MYH7B: variants seen among roughly 807,000 people sequenced by gnomAD.
The protein encoded by MYH7B is myosin heavy chain 7B.
A neutral mutation model predicts 234.5 loss-of-function variants in MYH7B; 205 were observed. The ratio of observed to expected loss-of-function variants is 0.87; its 90% CI spans 0.78 to 0.98. The LOEUF (loss-of-function observed/expected upper bound fraction) is 0.98. MYH7B is among the 50% of genes least tolerant of loss of function. MYH7B has a pLI of 0.00. For synonymous variants in MYH7B, 1,193 were observed against 1,105.0 expected, an observed-to-expected ratio of 1.08 and a Z score of -1.58; for missense variants, 2,652 against 2,633.4, an observed-to-expected ratio of 1.01 and a Z score of -0.15.
chr20:34,997,748 C>A, intron 32 of MYH7B, 108 bp downstream of exon 32: 2 of 1,346,930 alleles, frequency 1.5e-6, no homozygotes, highest in Non-Finnish European at 2.0e-6. Flanking sequence ...TTATCCTGAG[C>A]CCTGACCTCT....
At chr20:34,988,512 A>G (rs945161583) in intron 19 of MYH7B, among the ~76,000 whole-genome samples, 7 of 151,968 alleles carry the variant, frequency 4.6e-5, no homozygotes, top group Non-Finnish European at 1.0e-4. Flanking sequence ...AGCAGTGTGA[A>G]TGCATGCATC....
At chr20:34,956,627 A>G in intron 1 of MYH7B, among the ~76,000 whole-genome samples, 1 of 152,224 alleles carries the variant, frequency 6.6e-6, no homozygotes, top group Admixed American at 6.5e-5. Flanking sequence ...TAGGCAATAA[A>G]CTGCCTTTCT....
In MYH7B at chr20:34,987,754, T is replaced by C; in HGVS notation, c.1267-11T>C. 6.2e-7 allele frequency: 1 copy of C among 1,614,098 alleles called. No individual in the cohort carries two copies. On this transcript the variant is annotated splice_polypyrimidine_tract_variant and intron_variant, in intron 17 of 44. Coordinates refer to ENST00000262873, the Ensembl canonical transcript of MYH7B. ...TTGCCAGGTCCCAGCCCAGCCTCCC[T>C]GCACCTCCAGGTGGTGTTTGCTGTG... is the stretch of plus-strand genomic sequence containing the variant.
chr20:34,982,683 C>A, intron 10 of MYH7B, 128 bp downstream of exon 10: 1 of 792,490 alleles, frequency 1.3e-6, no homozygotes, highest in Non-Finnish European at 1.9e-6. Context: ...CCTGCCTGAG[C>A]CTCCCACCCT....
intron 2 of MYH7B, among the ~76,000 whole-genome samples, chr20:34,965,861 T>G (rs2081737045): frequency 6.6e-6 from 1 of 152,130 alleles, no homozygotes; most frequent in Non-Finnish European, 1.5e-5. Context: ...CCACTGTATC[T>G]GGAGTGATAT....
intron 2 of MYH7B, among the ~76,000 whole-genome samples, chr20:34,959,481 C>CTT (rs11467878): frequency 2.1e-5 from 3 of 142,090 alleles, no homozygotes; most frequent in Non-Finnish European, 1.5e-5. Flanking sequence ...TTCTTTCTTT[C>CTT]TTTTTTTTTT....
exon 37 of MYH7B, chr20:34,999,582 G>A (rs1268535662): frequency 1.9e-6 from 3 of 1,609,238 alleles, no homozygotes; most frequent in Non-Finnish European, 1.7e-6. Flanking sequence ...GGAGATCAGC[G>A]ACCTCACAGA....
exon 19 of MYH7B, chr20:34,988,173 GAGC>G (rs1569045119): frequency 6.2e-7 from 1 of 1,614,216 alleles, no homozygotes; most frequent in Non-Finnish European, 8.5e-7. Context: ...GTTTGTGCTG[GAGC>G]AGGAGGAGTA....
At chr20:34,980,963 C>G in intron 8 of MYH7B, 70 bp from the exon 9 acceptor site, 1 of 1,600,200 alleles carries the variant, frequency 6.2e-7, no homozygotes, top group South Asian at 1.1e-5. Flanking sequence ...CAGATGGATA[C>G]CCAGGGTGTT....
At chr20:34,991,230 A>AG in intron 24 of MYH7B, 109 bp downstream of exon 24, 1 of 750,084 alleles carries the variant, frequency 1.3e-6, no homozygotes, top group Non-Finnish European at 2.1e-6. Context: ...AGGGGGAAGC[A>AG]GGGACTGTGA....
intron 10 of MYH7B, among the ~76,000 whole-genome samples, chr20:34,983,303 T>C (rs1451903587): frequency 6.0e-4 from 12 of 19,842 alleles, no homozygotes; most frequent in East Asian, 3.4e-3. Context: ...CTTTTCTTTT[T>C]TTTTTTTTTT....
At chr20:34,969,154 C>T (rs1347959888) in intron 2 of MYH7B, among the ~76,000 whole-genome samples, 1 of 152,060 alleles carries the variant, frequency 6.6e-6, no homozygotes, top group South Asian at 2.1e-4. Context: ...AAGAGGGTAC[C>T]CCTGGGACTC....
At chr20:34,985,418 C>T (rs2082002822) in intron 13 of MYH7B, among the ~76,000 whole-genome samples, 2 of 152,088 alleles carry the variant, frequency 1.3e-5, no homozygotes, top group South Asian at 4.1e-4. Flanking sequence ...AGACCCAAAT[C>T]CTCATTTGGC....
At chr20:34,985,677 C>A (rs1041072288) in intron 13 of MYH7B, among the ~76,000 whole-genome samples, 1 of 152,160 alleles carries the variant, frequency 6.6e-6, no homozygotes, top group African/African-American at 2.4e-5. Flanking sequence ...CCACATTGGG[C>A]TGCATGGCTA....
At chr20:34,970,932 G>C (rs1477797085) in intron 2 of MYH7B, among the ~76,000 whole-genome samples, 1 of 152,204 alleles carries the variant, frequency 6.6e-6, no homozygotes, top group Non-Finnish European at 1.5e-5. Context: ...CGCAGGGCCT[G>C]AGCCACAGGT....
Position 34,997,509 on chromosome 20 carries a change from G to GCGCGGCGGAGC in MYH7B, c.3616_3617insCGCGGCGGAGC (p.Gly1206AlafsTer44), listed in dbSNP as rs757243572. The GCGCGGCGGAGC allele has an allele frequency of 6.3e-7, 1 of 1,589,764 alleles. No individual in the cohort carries two copies. The highest frequency in any genetic ancestry group is 8.6e-7 in the Non-Finnish European group (1 of 1,169,168). On this transcript the variant is annotated frameshift_variant, in exon 32 of 45. Transcript: ENST00000262873. LOFTEE classifies it high-confidence loss of function. ...GGCACTGCGGCGCAAGCAGGCGGAG[G>GCGCGGCGGAGC]GCGCGGCGGAGCTGGGGGAGCAGGT...
At chr20:35,000,018 T>C (rs964262953) in intron 38 of MYH7B, 112 bp downstream of exon 38, 4 of 1,083,540 alleles carry the variant, frequency 3.7e-6, no homozygotes, top group African/African-American at 1.6e-5. Flanking sequence ...TCCGGGTTGC[T>C]GTCTCCATTC....
chr20:34,980,140 G>A, intron 7 of MYH7B: 1 of 396,842 alleles, frequency 2.5e-6, no homozygotes, highest in Non-Finnish European at 4.7e-6. Context: ...GGCCAGGACG[G>A]CCACAGAGGG....
At chr20:34,979,968 G>T in intron 7 of MYH7B, 164 bp downstream of exon 7, 1 of 673,632 alleles carries the variant, frequency 1.5e-6, no homozygotes, top group Non-Finnish European at 2.4e-6. Context: ...GGCTGTGAGC[G>T]ATGAGGCGGG....
Sources: allele counts gnomAD v4.1 joint callset (sites outside exome capture counted in the v4.1 genomes callset), GRCh38; gene constraint gnomAD v4.1.1; transcripts MANE v1.5; gene names NCBI Gene and HGNC (gene_info 2026-07-23, HGNC 2026-07-21).